The following PRKCH variants were observed in gnomAD, a reference collection of about 807,000 sequenced individuals.
PRKCH encodes the protein protein kinase C eta type.
A neutral mutation model predicts 82.5 loss-of-function variants in PRKCH; 28 were observed. The observed-to-expected ratio is 0.34, with a 90% CI of 0.25 to 0.47. The LOEUF is 0.47. Ranked by LOEUF, PRKCH falls within the 20% of genes least tolerant of loss-of-function variation. The pLI, the probability that PRKCH is intolerant of heterozygous loss-of-function variation, is 1.00. For synonymous variants in PRKCH, 322 were observed against 327.4 expected (o/e 0.98, Z 0.18); for missense variants, 705 against 881.8 (o/e 0.80, Z 2.54).
intron 1 of PRKCH, among the ~76,000 whole-genome samples, chr14:61,243,383 CAAAAA>C (rs10555022): frequency 8.7e-5 from 9 of 103,382 alleles, no homozygotes; most frequent in Non-Finnish European, 1.4e-4. Flanking sequence ...GACTCTGTCT[CAAAAA>C]AAAAAAAAAA....
At chr14:61,290,102 G>A (rs542330507) in intron 1 of PRKCH, among the ~76,000 whole-genome samples, 83 of 152,254 alleles carry the variant, frequency 5.5e-4, no homozygotes, top group Middle Eastern at 3.4e-3. Flanking sequence ...GACCAGCCTG[G>A]CCAATATGGT....
Position 61,272,616 on chromosome 14 carries a change from A to G in PRKCH, c.-19+84948A>G, listed in dbSNP as rs190188643. 4.6e-5 allele frequency among the ~76,000 whole-genome samples: 7 copies of G among 152,184 alleles called. No individual in the cohort carries two copies. In the East Asian group the frequency reaches 1.4e-3, roughly 29 times the overall value. ...GGTGATCCACCTGCCTCGGCCTCCC[A>G]AAGTGCTGGGATTACAGGCGTGAGC... On this transcript the variant is annotated intron_variant, in intron 1 of 3. Transcript: ENST00000555185.
chr14:61,268,677 A>AT (rs2045125794), intron 1 of PRKCH, among the ~76,000 whole-genome samples: 1 of 152,096 alleles, frequency 6.6e-6, no homozygotes, highest in Non-Finnish European at 1.5e-5. Flanking sequence ...CCTGCCAAAA[A>AT]ATATATATAT....
intron 10 of PRKCH, among the ~76,000 whole-genome samples, chr14:61,499,236 A>T (rs189747833): frequency 6.6e-6 from 1 of 152,170 alleles, no homozygotes; most frequent in African/African-American, 2.4e-5. Flanking sequence ...TGAAAGGGGA[A>T]TTTTTTCCTT....
At chr14:61,305,111 A>C (rs1030725370) in intron 1 of PRKCH, 3 of 152,122 alleles carry the variant, frequency 2.0e-5, no homozygotes, top group Admixed American at 6.5e-5. Flanking sequence ...TTTTCACCAA[A>C]TTAGAGAATT....
At chr14:61,537,177 G>A (rs916411887) in intron 12 of PRKCH, among the ~76,000 whole-genome samples, 4 of 152,164 alleles carry the variant, frequency 2.6e-5, no homozygotes, top group African/African-American at 9.7e-5. Context: ...TGCTTCAAAT[G>A]TTTCTGCTCA....
At chr14:61,210,111 A>ATATATAT (rs2044559213) in intron 1 of PRKCH, among the ~76,000 whole-genome samples, 1 of 87,366 alleles carries the variant, frequency 1.1e-5, no homozygotes, top group Non-Finnish European at 2.5e-5. Context: ...CAAACAAACA[A>ATATATAT]ATATATATAT....
intron 2 of PRKCH, among the ~76,000 whole-genome samples, chr14:61,439,757 G>T (rs948650582): frequency 2.0e-5 from 3 of 152,166 alleles, no homozygotes; most frequent in African/African-American, 7.2e-5. Context: ...ACTCTTAATG[G>T]TTGGAAGGAA....
chr14:61,287,532 G>A lies in PRKCH; in HGVS notation c.-19+99864G>A, dbSNP rs546794522. On this transcript the variant is annotated intron_variant, in intron 1 of 3. Transcript: ENST00000555185. ...TTGAGACCAGCCTGGCCAACATAGC[G>A]AGACTCCATCTCTACTAAAAATACA... 4.6e-5 allele frequency among the ~76,000 whole-genome samples: 7 copies of A among 152,150 alleles called. No individual in the cohort carries two copies. The South Asian group carries it at 1.5e-3, about 32-fold the overall frequency.
intron 1 of PRKCH, among the ~76,000 whole-genome samples, chr14:61,377,889 A>G (rs1468199768): frequency 2.0e-5 from 3 of 152,068 alleles, no homozygotes; most frequent in Non-Finnish European, 4.4e-5. Context: ...TTTACATGTT[A>G]ATCTCTATCA....
chr14:61,460,021 T>C (rs1471353031), intron 9 of PRKCH, among the ~76,000 whole-genome samples: 1 of 143,770 alleles, frequency 7.0e-6, no homozygotes, highest in Non-Finnish European at 1.5e-5. Context: ...ATTTTTGTTA[T>C]TTTTTTGTAG....
intron 1 of PRKCH, among the ~76,000 whole-genome samples, chr14:61,206,447 A>C (rs2044524877): frequency 6.6e-6 from 1 of 152,174 alleles, no homozygotes; most frequent in Non-Finnish European, 1.5e-5. Flanking sequence ...GGGCCTGCCC[A>C]AATTCACTGT....
At chr14:61,481,647 C>T (rs1410554722) in intron 9 of PRKCH, among the ~76,000 whole-genome samples, 2 of 152,160 alleles carry the variant, frequency 1.3e-5, no homozygotes, top group Non-Finnish European at 2.9e-5. Context: ...ATCATAGAAA[C>T]TTTGAAAGAT....
chr14:61,272,340 CTTTCTTTTTTTTTTTTT>C (rs1182585983), intron 1 of PRKCH, among the ~76,000 whole-genome samples: 2 of 97,828 alleles, frequency 2.0e-5, no homozygotes, highest in East Asian at 3.5e-4. Context: ...TTTCTTTTTT[CTTTCTTTTTTTTTTTTT>C]TTTTTTTTTT....
At chr14:61,380,617 G>A (rs770114097) in intron 1 of PRKCH, among the ~76,000 whole-genome samples, 5 of 152,302 alleles carry the variant, frequency 3.3e-5, no homozygotes, top group Middle Eastern at 3.4e-3. Context: ...TTCCAGCACA[G>A]AATTACATTA....
chr14:61,498,328 G>C (rs1416340586), intron 10 of PRKCH, among the ~76,000 whole-genome samples: 1 of 152,114 alleles, frequency 6.6e-6, no homozygotes, highest in Non-Finnish European at 1.5e-5. Context: ...TGCTATTTTA[G>C]AAGTGATCTC....
intron 1 of PRKCH, among the ~76,000 whole-genome samples, chr14:61,225,711 G>A (rs1429377659): frequency 6.6e-6 from 1 of 151,770 alleles, no homozygotes; most frequent in Non-Finnish European, 1.5e-5. Context: ...CTATTCTGAT[G>A]AAAGAGTATA....
chr14:61,388,632 G>A (rs1031285335), intron 1 of PRKCH, among the ~76,000 whole-genome samples: 4 of 150,110 alleles, frequency 2.7e-5, no homozygotes, highest in African/African-American at 9.8e-5. Flanking sequence ...TGAAGATGAG[G>A]GAGTGTGGCT....
chr14:61,201,096 T>A (rs1191257074), intron 1 of PRKCH, among the ~76,000 whole-genome samples: 7 of 152,216 alleles, frequency 4.6e-5, no homozygotes, highest in Non-Finnish European at 1.0e-4. Context: ...ACTGTGGTAC[T>A]CGGAATATTC....
Sources: gnomAD v4.1 joint callset for allele counts (sites outside exome capture counted in the v4.1 genomes callset) on GRCh38, gnomAD v4.1.1 for gene constraint, MANE v1.5 for transcripts, NCBI Gene and HGNC (gene_info 2026-07-23, HGNC 2026-07-21) for gene names.